SOBP: variants seen among roughly 807,000 people sequenced by gnomAD.
The protein encoded by SOBP is sine oculis-binding protein homolog.
A neutral mutation model predicts 53.6 loss-of-function variants in SOBP; 4 were observed. The observed-to-expected ratio is 0.07, with a 90% confidence interval of 0.04 to 0.17. The LOEUF is 0.17. Ranked by LOEUF, SOBP falls within the 10% of genes least tolerant of loss-of-function variation. SOBP has a pLI of 1.00. For missense variants in SOBP, 1,088 were observed against 1,204.7 expected (o/e 0.90, Z 1.43); for synonymous variants, 584 against 522.6 (o/e 1.12, Z -1.60).
chr6:107,524,067 C>A (rs769507861), intron 3 of SOBP, among the ~76,000 whole-genome samples: 2 of 152,166 alleles, frequency 1.3e-5, no homozygotes, highest in Non-Finnish European at 2.9e-5. Context: ...GGAAATGAGC[C>A]CTTTCATTAA....
intron 5 of SOBP, among the ~76,000 whole-genome samples, chr6:107,626,360 T>G (rs1282434202): frequency 6.6e-6 from 1 of 152,258 alleles, no homozygotes; most frequent in African/African-American, 2.4e-5. Flanking sequence ...AAGTCTCTCC[T>G]GCCCTGTTCC....
intron 4 of SOBP, 29 bp from the exon 5 acceptor site, chr6:107,587,051 C>A: frequency 6.4e-7 from 1 of 1,557,908 alleles, no homozygotes; most frequent in Non-Finnish European, 8.9e-7. Context: ...TTTGTAAGTC[C>A]CTAAATAGGC....
At chr6:107,502,234 T>C (rs1462640677) in intron 1 of SOBP, among the ~76,000 whole-genome samples, 1 of 152,206 alleles carries the variant, frequency 6.6e-6, no homozygotes, top group Non-Finnish European at 1.5e-5. Flanking sequence ...GCCTTGGTGC[T>C]TTGTTTCAGG....
chr6:107,490,873 C>T (rs1017611351), intron 1 of SOBP, among the ~76,000 whole-genome samples, 161 bp downstream of exon 1: 4 of 151,988 alleles, frequency 2.6e-5, no homozygotes, highest in Non-Finnish European at 4.4e-5. Context: ...CAGAGGCCAA[C>T]TCGAGGGCTG....
chr6:107,554,269 C>G (rs1320299631), intron 4 of SOBP, among the ~76,000 whole-genome samples: 2 of 152,134 alleles, frequency 1.3e-5, no homozygotes, highest in African/African-American at 2.4e-5. Context: ...TGCAGTTTGT[C>G]CAGTACTTAG....
intron 6 of SOBP, among the ~76,000 whole-genome samples, chr6:107,645,216 G>A (rs1284747561): frequency 2.0e-5 from 3 of 151,884 alleles, no homozygotes; most frequent in Non-Finnish European, 4.4e-5. Flanking sequence ...TCCTATTTTT[G>A]GATTTTATAA....
intron 4 of SOBP, among the ~76,000 whole-genome samples, chr6:107,559,423 T>A (rs1784712866): frequency 6.6e-6 from 1 of 152,126 alleles, no homozygotes; most frequent in Non-Finnish European, 1.5e-5. Flanking sequence ...TAGTACAAAG[T>A]ATGTAAATGG....
intron 4 of SOBP, among the ~76,000 whole-genome samples, chr6:107,566,784 G>A (rs951207012): frequency 6.6e-6 from 1 of 152,134 alleles, no homozygotes; most frequent in Admixed American, 6.6e-5. Flanking sequence ...TCTAGCTTAC[G>A]TTCCTGAGGG....
At chr6:107,625,445 A>T (rs1270755842) in intron 5 of SOBP, among the ~76,000 whole-genome samples, 1 of 152,232 alleles carries the variant, frequency 6.6e-6, no homozygotes. Flanking sequence ...ATCAGTATGT[A>T]GTTGGTGAGT....
chr6:107,535,890 G>A (rs544475315), intron 4 of SOBP, among the ~76,000 whole-genome samples: 21 of 152,214 alleles, frequency 1.4e-4, no homozygotes, highest in African/African-American at 4.1e-4. Flanking sequence ...GCCCCTGGGT[G>A]TTCCGTACTG....
Position 107,645,548 on chromosome 6 carries a change from G to A in SOBP, c.*3+10079G>A, listed in dbSNP as rs138308045. On this transcript the variant is annotated intron_variant, in intron 6 of 6. Coordinates refer to ENST00000317357, the MANE Select transcript of SOBP (RefSeq NM_018013.4). Reference sequence around the variant, plus strand: ...CTGAGAGACAAAAAAAAAAGCCAAGGTCACTTTTACAAGCAACATGCAGAA... The same window carrying A: ...CTGAGAGACAAAAAAAAAAGCCAAGATCACTTTTACAAGCAACATGCAGAA... Among the ~76,000 whole-genome samples the A allele has an allele frequency of 7.5e-3, 1,135 of 152,050 alleles. 17 individuals are homozygous for A. Among genetic ancestry groups the A allele is most frequent in the African/African-American group, 0.026 (1,094 of 41,476 alleles).
At chr6:107,530,589 T>G (rs569274632) in intron 3 of SOBP, among the ~76,000 whole-genome samples, 2 of 151,972 alleles carry the variant, frequency 1.3e-5, no homozygotes, top group Non-Finnish European at 2.9e-5. Context: ...CCGGAAAATG[T>G]TTTTTAAATT....
intron 4 of SOBP, among the ~76,000 whole-genome samples, chr6:107,557,192 T>C (rs1004140473): frequency 4.6e-5 from 7 of 152,098 alleles, no homozygotes; most frequent in Non-Finnish European, 8.8e-5. Flanking sequence ...AAAACTGAGG[T>C]ATAGAAAATA....
In SOBP at chr6:107,634,522, G is replaced by C; in HGVS notation, c.1678G>C (p.Glu560Gln). The C allele has an allele frequency of 6.2e-7, 1 of 1,611,166 alleles. No individual in the cohort carries two copies. The highest frequency in any genetic ancestry group is 8.5e-7 in the Non-Finnish European group (1 of 1,179,898). ...KPPNGFSSNG[E>Q]NFIPNAPGDS... The stretch of plus-strand genomic sequence containing the variant: ...CCCCAACGGGTTCTCCAGCAACGGG[G>C]AGAACTTCATTCCGAACGCCCCTGG... Residue 560 changes from glutamate to glutamine, a missense_variant, in exon 6 of 7, where the codon GAG becomes CAG. Glu to Gln is a conservative substitution (Grantham distance 29, BLOSUM62 2). Coordinates refer to ENST00000317357, the MANE Select transcript of SOBP (RefSeq NM_018013.4). The surrounding 1 kb of genome is among the most constrained non-coding windows in gnomAD (Gnocchi z 4.5).
intron 6 of SOBP, among the ~76,000 whole-genome samples, chr6:107,645,700 G>A (rs1771527470): frequency 6.6e-6 from 1 of 152,210 alleles, no homozygotes; most frequent in Non-Finnish European, 1.5e-5. Context: ...AGTATTCAGT[G>A]ATCACATGAA....
chr6:107,522,969 T>C (rs1783557969), intron 3 of SOBP, among the ~76,000 whole-genome samples: 1 of 152,002 alleles, frequency 6.6e-6, no homozygotes, highest in African/African-American at 2.4e-5. Flanking sequence ...GGGTAGATGA[T>C]AGGGCCAGGA....
intron 3 of SOBP, among the ~76,000 whole-genome samples, chr6:107,530,567 A>G (rs1022306074): frequency 5.9e-5 from 9 of 151,980 alleles, no homozygotes; most frequent in African/African-American, 7.3e-5. Flanking sequence ...TAAATCTAGA[A>G]TGCCTGAAAT....
chr6:107,571,272 G>A (rs57552845), intron 4 of SOBP, among the ~76,000 whole-genome samples: 84,787 of 152,118 alleles, frequency 0.56, 26,491 homozygotes, highest in East Asian at 0.89. Flanking sequence ...TGTTCTGGAA[G>A]AGTCAAGGAA....
intron 1 of SOBP, among the ~76,000 whole-genome samples, chr6:107,502,567 A>G (rs555785698): frequency 6.6e-6 from 1 of 152,238 alleles, no homozygotes; most frequent in South Asian, 2.1e-4. Context: ...CAGTGATATT[A>G]TCTTACATTT....
Sources: allele counts gnomAD v4.1 joint callset (sites outside exome capture counted in the v4.1 genomes callset), GRCh38; gene constraint gnomAD v4.1.1; non-coding constraint Gnocchi (gnomAD v3.1); transcripts MANE v1.5; gene names NCBI Gene and HGNC (gene_info 2026-07-23, HGNC 2026-07-21).